The following PTPRO variants were observed in gnomAD, a reference collection of about 807,000 sequenced individuals.
PTPRO encodes the protein receptor-type tyrosine-protein phosphatase O.
Under a neutral mutation model 145.2 loss-of-function variants are expected in PTPRO, and 62 were observed. The observed-to-expected ratio is 0.43, with a 90% CI of 0.35 to 0.53. The LOEUF is 0.53. PTPRO is among the 20% of genes least tolerant of loss of function. The pLI, the probability that PTPRO is intolerant of heterozygous loss-of-function variation, is 0.01. For missense variants in PTPRO, 1,345 were observed against 1,482.7 expected (o/e 0.91, Z 1.53); for synonymous variants, 565 against 514.7 (o/e 1.10, Z -1.32).
At chr12:15,591,635 C>T (rs1373531939) in intron 25 of PTPRO, among the ~76,000 whole-genome samples, 7 of 152,074 alleles carry the variant, frequency 4.6e-5, no homozygotes, top group Non-Finnish European at 1.5e-5. Flanking sequence ...GATATCTCCG[C>T]GGACACAGCC....
At chr12:15,577,031 TAG>T (rs1320048678) in intron 19 of PTPRO, among the ~76,000 whole-genome samples, 1 of 152,116 alleles carries the variant, frequency 6.6e-6, no homozygotes, top group African/African-American at 2.4e-5. Context: ...ACAAGAAAAA[TAG>T]AGTCAACCTT....
chr12:15,590,764 G>A (rs1040587174), intron 25 of PTPRO, among the ~76,000 whole-genome samples: 2 of 152,088 alleles, frequency 1.3e-5, no homozygotes, highest in Admixed American at 1.3e-4. Context: ...AAGTCCAATT[G>A]GTTTCCTCAC....
chr12:15,372,846 T>A (rs1054013857), intron 1 of PTPRO, among the ~76,000 whole-genome samples: 1 of 152,156 alleles, frequency 6.6e-6, no homozygotes, highest in African/African-American at 2.4e-5. Context: ...AAATAGACTA[T>A]CTTAGTCAGT....
Position 15,546,609 on chromosome 12 carries a change from C to A in PTPRO, c.2205C>A (p.Thr735=). ...AATCACTCTTCGCAGTGAACAAAAC[C>A]CAGACTTCAGTGACTTTGCTGTGGG... ...PPKSLFAVNK[T]QTSVTLLWVE... Residue 735 remains threonine (T), a synonymous_variant, in exon 13 of 27, where the codon ACC becomes ACA. Coordinates refer to ENST00000281171, the MANE Select transcript of PTPRO (RefSeq NM_030667.3). The A allele has an allele frequency of 6.2e-7, 1 of 1,612,956 alleles. No individual in the cohort carries two copies. The highest frequency in any genetic ancestry group is 2.2e-5 in the East Asian group (1 of 44,722).
intron 1 of PTPRO, chr12:15,439,959 A>G (rs571077680): frequency 2.9e-6 from 2 of 686,028 alleles, no homozygotes; most frequent in Non-Finnish European, 5.3e-6. Context: ...TGCTCCAAGG[A>G]GGTGGCCACT....
chr12:15,513,120 G>A lies in PTPRO; in HGVS notation c.1465-2378G>A, dbSNP rs7953133. Reference sequence around the variant, plus strand: ...GAAAGAAAGAAAGAAAGGAAGGAAGGAAGGAAGGAAGGAAGGAAGGAAGAA... The same window carrying A: ...GAAAGAAAGAAAGAAAGGAAGGAAGAAAGGAAGGAAGGAAGGAAGGAAGAA... On this transcript the variant is annotated intron_variant, in intron 7 of 26. Coordinates refer to ENST00000281171, the MANE Select transcript of PTPRO (RefSeq NM_030667.3). Among the ~76,000 whole-genome samples, 34 of 18,086 alleles carry A rather than the reference G, an allele frequency of 1.9e-3. 1 individual carries two copies. The highest frequency in any genetic ancestry group is 6.1e-3 in the African/African-American group (30 of 4,936). The allele number at this position is 18,086 out of a possible 152,430, so 11.9% of individuals were successfully genotyped here.
chr12:15,495,557 T>A (rs970109829), intron 2 of PTPRO, among the ~76,000 whole-genome samples: 2 of 151,478 alleles, frequency 1.3e-5, no homozygotes, highest in Non-Finnish European at 2.9e-5. Flanking sequence ...GAATCAAAAA[T>A]TTTTTTTTCT....
At chr12:15,412,606 C>T (rs539501665) in intron 1 of PTPRO, among the ~76,000 whole-genome samples, 6 of 152,248 alleles carry the variant, frequency 3.9e-5, no homozygotes, top group African/African-American at 1.4e-4. Context: ...TTCTGGATAA[C>T]ATTTTATTTT....
chr12:15,381,703 T>G (rs1938867544), intron 1 of PTPRO, among the ~76,000 whole-genome samples: 1 of 152,168 alleles, frequency 6.6e-6, no homozygotes, highest in Admixed American at 6.5e-5. Flanking sequence ...CATGGAAAAT[T>G]TGCTAACATA....
intron 1 of PTPRO, among the ~76,000 whole-genome samples, chr12:15,367,539 A>G (rs758506067): frequency 8.5e-5 from 13 of 152,210 alleles, no homozygotes; most frequent in Non-Finnish European, 1.9e-4. Flanking sequence ...TAATATCTTC[A>G]ACCTGAGCTT....
chr12:15,491,841 G>A (rs768559555), intron 2 of PTPRO, among the ~76,000 whole-genome samples: 3 of 152,200 alleles, frequency 2.0e-5, no homozygotes, highest in Non-Finnish European at 4.4e-5. Flanking sequence ...AGACACTATT[G>A]AGTCTGGGCC....
chr12:15,456,019 T>G (rs1397631565), intron 1 of PTPRO, among the ~76,000 whole-genome samples: 1 of 152,240 alleles, frequency 6.6e-6, no homozygotes, highest in Non-Finnish European at 1.5e-5. Context: ...AAAAGAAGGG[T>G]GGTAAAAGTG....
At chr12:15,392,040 A>T (rs149413771) in intron 1 of PTPRO, among the ~76,000 whole-genome samples, 4 of 152,316 alleles carry the variant, frequency 2.6e-5, no homozygotes, top group African/African-American at 9.6e-5. Context: ...CCATTCAATT[A>T]TTCTGGTTCT....
intron 1 of PTPRO, among the ~76,000 whole-genome samples, chr12:15,433,730 A>G (rs149059666): frequency 1.3e-5 from 2 of 152,282 alleles, no homozygotes; most frequent in East Asian, 1.9e-4. Context: ...CTGTTTTTGT[A>G]CCAATACCAT....
intron 1 of PTPRO, among the ~76,000 whole-genome samples, chr12:15,450,563 C>T (rs1439252409): frequency 2.6e-5 from 4 of 152,142 alleles, no homozygotes; most frequent in Non-Finnish European, 5.9e-5. Context: ...TGTCTGGGCT[C>T]AGGATTTCAA....
intron 19 of PTPRO, among the ~76,000 whole-genome samples, chr12:15,572,551 T>G (rs1944078101): frequency 6.6e-6 from 1 of 152,210 alleles, no homozygotes; most frequent in Non-Finnish European, 1.5e-5. Context: ...CCTTATAATC[T>G]TCATCATTTT....
intron 12 of PTPRO, among the ~76,000 whole-genome samples, chr12:15,545,145 C>T (rs902341285): frequency 1.3e-5 from 2 of 151,984 alleles, no homozygotes; most frequent in Admixed American, 6.6e-5. Context: ...GTGTACCTGT[C>T]AAAGCAGTGA....
At chr12:15,428,317 G>A (rs770004976) in intron 1 of PTPRO, among the ~76,000 whole-genome samples, 1 of 152,138 alleles carries the variant, frequency 6.6e-6, no homozygotes, top group Admixed American at 6.6e-5. Context: ...CACTCTCGTT[G>A]TCTGTTCACA....
chr12:15,470,125 A>T (rs1941506797), intron 1 of PTPRO, among the ~76,000 whole-genome samples: 1 of 152,218 alleles, frequency 6.6e-6, no homozygotes, highest in South Asian at 2.1e-4. Flanking sequence ...ATATTCTAGA[A>T]GAAGTCAGTC....
Sources: allele counts gnomAD v4.1 joint callset (sites outside exome capture counted in the v4.1 genomes callset), GRCh38; gene constraint gnomAD v4.1.1; transcripts MANE v1.5; gene names NCBI Gene and HGNC (gene_info 2026-07-23, HGNC 2026-07-21).